Variants in CACNA2D1 observed in about 807,000 individuals in gnomAD.
The protein encoded by CACNA2D1 is voltage-dependent calcium channel subunit alpha-2/delta-1.
In CACNA2D1, 53 loss-of-function variants were observed where a neutral mutation model predicts 171.5. The ratio of observed to expected loss-of-function variants is 0.31; its 90% CI spans 0.25 to 0.39. CACNA2D1 has a LOEUF of 0.39. Among genes scored for constraint, CACNA2D1 ranks in the 10% least tolerant of loss-of-function variants. The pLI is 1.00. For missense variants in CACNA2D1, 903 were observed against 1,299.8 expected (o/e 0.69, Z 4.69); for synonymous variants, 442 against 443.1 (o/e 1.00, Z 0.03).
intron 6 of CACNA2D1, among the ~76,000 whole-genome samples, chr7:82,086,612 G>A (rs1360228832): frequency 6.6e-6 from 1 of 152,056 alleles, no homozygotes; most frequent in Non-Finnish European, 1.5e-5. Context: ...CATAGAAAGA[G>A]GAACATTGTG....
chr7:82,180,590 TA>T (rs761690826), intron 3 of CACNA2D1, among the ~76,000 whole-genome samples: 4,877 of 152,262 alleles, frequency 0.032, 91 homozygotes, highest in East Asian at 0.063. Flanking sequence ...TTGAAAACTC[TA>T]TTGAGAGTGG....
intron 18 of CACNA2D1, among the ~76,000 whole-genome samples, chr7:81,998,665 C>T (rs922577230): frequency 6.6e-6 from 1 of 151,824 alleles, no homozygotes; most frequent in Non-Finnish European, 1.5e-5. Flanking sequence ...ATATTCACTG[C>T]TTAAGTACTC....
chr7:82,397,476 T>C (rs1035179584), intron 1 of CACNA2D1, among the ~76,000 whole-genome samples: 2 of 152,220 alleles, frequency 1.3e-5, no homozygotes, highest in African/African-American at 4.8e-5. Flanking sequence ...ATTTTTATAT[T>C]GCAAGTGATT....
At chr7:82,215,760 T>C (rs1157624591) in intron 3 of CACNA2D1, among the ~76,000 whole-genome samples, 7 of 152,180 alleles carry the variant, frequency 4.6e-5, no homozygotes, top group African/African-American at 7.2e-5. Context: ...TCTTCTTTTA[T>C]GCCAAAATCT....
chr7:82,112,385 A>T lies in CACNA2D1; in HGVS notation c.526+4659T>A, dbSNP rs145179910. Among the ~76,000 whole-genome samples the T allele has an allele frequency of 1.6e-3, 242 of 152,306 alleles. 1 individual carries two copies. Among genetic ancestry groups the T allele is most frequent in the African/African-American group, 5.5e-3 (228 of 41,578 alleles). On this transcript the variant is annotated intron_variant, in intron 6 of 38. Coordinates refer to ENST00000356860, the MANE Select transcript of CACNA2D1 (RefSeq NM_000722.4). Reference sequence around the variant, plus strand: ...AAACCATGAACAAGTTTCCCCTCTTACAAAATATATTTGATGACGCAGTAT... The same window carrying T: ...AAACCATGAACAAGTTTCCCCTCTTTCAAAATATATTTGATGACGCAGTAT...
chr7:81,970,188 C>T (rs1795122188), intron 27 of CACNA2D1, among the ~76,000 whole-genome samples: 1 of 151,342 alleles, frequency 6.6e-6, no homozygotes. Context: ...AAAGCTAACT[C>T]CTAGTTTTAC....
intron 1 of CACNA2D1, among the ~76,000 whole-genome samples, chr7:82,419,906 T>C (rs1227992160): frequency 8.5e-5 from 13 of 152,198 alleles, no homozygotes; most frequent in Non-Finnish European, 1.9e-4. Flanking sequence ...TGATGATATC[T>C]GGTGACATTT....
chr7:81,976,854 C>CA (rs762271934), intron 24 of CACNA2D1, among the ~76,000 whole-genome samples: 6 of 151,448 alleles, frequency 4.0e-5, no homozygotes, highest in Non-Finnish European at 7.4e-5. Flanking sequence ...GACTGTATCT[C>CA]AAAAAATAAA....
intron 6 of CACNA2D1, among the ~76,000 whole-genome samples, chr7:82,105,398 C>CT (rs572031121): frequency 0.23 from 23,313 of 99,360 alleles, 2,723 homozygotes; most frequent in Middle Eastern, 0.33. Context: ...CAGTTTTTGT[C>CT]TTTTTTTTTT....
chr7:82,149,796 A>AAAAG (rs1563121875), intron 4 of CACNA2D1, among the ~76,000 whole-genome samples: 2 of 136,766 alleles, frequency 1.5e-5, no homozygotes, highest in Non-Finnish European at 3.2e-5. Flanking sequence ...ACAAACAACA[A>AAAAG]AAAAAAAAAC....
At chr7:82,086,020 A>G (rs527699254) in intron 6 of CACNA2D1, among the ~76,000 whole-genome samples, 13 of 152,324 alleles carry the variant, frequency 8.5e-5, no homozygotes, top group Non-Finnish European at 1.8e-4. Context: ...TAAAATATAC[A>G]CCATGTCCCC....
chr7:82,439,098 A>T (rs1052645573), intron 1 of CACNA2D1, among the ~76,000 whole-genome samples: 15 of 152,116 alleles, frequency 9.9e-5, no homozygotes, highest in Non-Finnish European at 1.8e-4. Context: ...ATTCTTGGAA[A>T]CTTGCATCTA....
At chr7:82,024,948 C>T (rs1801693341) in intron 12 of CACNA2D1, among the ~76,000 whole-genome samples, 1 of 151,370 alleles carries the variant, frequency 6.6e-6, no homozygotes, top group South Asian at 2.1e-4. Flanking sequence ...ATCAATTGGC[C>T]ATATATCCAT....
At chr7:82,361,212 ATAGGAATTACAGC>A (rs1427763981) in intron 1 of CACNA2D1, among the ~76,000 whole-genome samples, 1 of 152,150 alleles carries the variant, frequency 6.6e-6, no homozygotes, top group East Asian at 1.9e-4. Context: ...TGTTTCTTAG[ATAGGAATTACAGC>A]CAGCTCCCTT....
In CACNA2D1 at chr7:82,099,506, G is replaced by A. The variant is rs192343272; in HGVS notation, c.527-14606C>T. Among the ~76,000 whole-genome samples the A allele has an allele frequency of 8.1e-3, 384 of 47,498 alleles. 76 individuals are homozygous for A. In the East Asian group the frequency reaches 0.21, roughly 26 times the overall value. The allele number at this position is 47,498 out of a possible 152,430, so 31.2% of individuals were successfully genotyped here. A position where few individuals can be genotyped will look rare whatever the true frequency, so the allele number is the denominator to read the frequency against. On this transcript the variant is annotated intron_variant, in intron 6 of 38. Coordinates refer to ENST00000356860, the MANE Select transcript of CACNA2D1 (RefSeq NM_000722.4). The stretch of plus-strand genomic sequence containing the variant: ...GCTCTGTCGCCCAGGCTGGAGTGCA[G>A]CGGCGGGATCTCGGCTCACTGCAAG...
chr7:81,971,940 T>A, intron 25 of CACNA2D1, 76 bp from the exon 26 acceptor site: 1 of 937,954 alleles, frequency 1.1e-6, no homozygotes, highest in Non-Finnish European at 1.7e-6. Flanking sequence ...ATTTTCTATT[T>A]CCAAAAGCAA....
chr7:81,955,968 ATATATATATATATT>A (rs1212202755), intron 38 of CACNA2D1, among the ~76,000 whole-genome samples: 2 of 65,486 alleles, frequency 3.1e-5, no homozygotes, highest in African/African-American at 1.3e-4. Context: ...TGCTATATAT[ATATATATATATATT>A]TTTTTTTTTT....
At chr7:81,958,837 T>C (rs1370156313) in intron 38 of CACNA2D1, among the ~76,000 whole-genome samples, 1 of 151,126 alleles carries the variant, frequency 6.6e-6, no homozygotes, top group East Asian at 1.9e-4. Flanking sequence ...ACAATGGCTG[T>C]ATAACAGGTT....
intron 1 of CACNA2D1, among the ~76,000 whole-genome samples, chr7:82,438,204 A>C (rs1234686978): frequency 6.6e-6 from 1 of 152,152 alleles, no homozygotes; most frequent in Non-Finnish European, 1.5e-5. Flanking sequence ...TAATCCCTGA[A>C]AACAGTTGTG....
Sources: allele counts gnomAD v4.1 joint callset (sites outside exome capture counted in the v4.1 genomes callset), GRCh38; gene constraint gnomAD v4.1.1; transcripts MANE v1.5; gene names NCBI Gene and HGNC (gene_info 2026-07-23, HGNC 2026-07-21).